The following NEB variants were observed in gnomAD, a reference collection of about 807,000 sequenced individuals.
NEB encodes the protein nebulin.
In NEB, 512 loss-of-function variants were observed where a neutral mutation model predicts 952.2. That is an observed-to-expected ratio of 0.54 (90% CI 0.50 to 0.58). The LOEUF (loss-of-function observed/expected upper bound fraction) is 0.58, where lower values mean the gene tolerates loss of function less well. NEB is among the 20% of genes least tolerant of loss of function. The probability of loss-of-function intolerance (pLI) is 0.00; values close to 1 mark genes in which losing one functional copy is unlikely to be tolerated. For missense variants in NEB, 8,428 were observed against 9,231.1 expected (o/e 0.91, Z 3.56); for synonymous variants, 2,900 against 3,149.8 (o/e 0.92, Z 2.66).
rs142792228 is a variant in NEB, at chr2:151,526,768, C to T, written c.21945+150G>A. 8.8e-4 allele frequency: 553 copies of T among 630,842 alleles called. 3 individuals are homozygous for T. Among genetic ancestry groups the T allele is most frequent in the African/African-American group, 7.7e-3 (424 of 54,798 alleles). 39.1% of individuals were successfully genotyped at this position (630,842 alleles called of 1,614,324 possible). On this transcript the variant is annotated intron_variant, in intron 148 of 181. Coordinates refer to ENST00000397345, the MANE Select transcript of NEB (RefSeq NM_001164508.2). ...CTGCTGCCCTGCTTGACTGCTGGCG[C>T]CCCTCACAGGACAGGCCATAATTCA...
At chr2:151,630,356 C>G (rs2098640476) in intron 67 of NEB, among the ~76,000 whole-genome samples, 1 of 152,108 alleles carries the variant, frequency 6.6e-6, no homozygotes, top group Non-Finnish European at 1.5e-5. Flanking sequence ...TCTCTCTGCC[C>G]TGGAAAGGTG....
At chr2:151,656,978 C>T (rs754848415) in intron 48 of NEB, among the ~76,000 whole-genome samples, 1 of 152,132 alleles carries the variant, frequency 6.6e-6, no homozygotes, top group Non-Finnish European at 1.5e-5. Flanking sequence ...GCTTTATATT[C>T]GTGGAGCTCC....
intron 34 of NEB, among the ~76,000 whole-genome samples, chr2:151,676,726 A>G (rs2099362922): frequency 6.6e-6 from 1 of 152,124 alleles, no homozygotes; most frequent in Non-Finnish European, 1.5e-5. Context: ...CCTGTGTACA[A>G]GGCACCTCCC....
Position 151,506,902 on chromosome 2 carries a change from A to G in NEB, c.23556+7T>C, listed in dbSNP as rs1317562698. The G allele has an allele frequency of 1.3e-6, 2 of 1,566,868 alleles. No homozygotes were observed. Among genetic ancestry groups the G allele is most frequent in the South Asian group, 1.1e-5 (1 of 89,602 alleles). On this transcript the variant is annotated splice_region_variant and intron_variant, in intron 163 of 181. Transcript: ENST00000397345. ...AGCATTAAATGCAAAATAAATAGTA[A>G]ATATACCGAGCTGAAATTCTTCTGA...
intron 69 of NEB, 65 bp downstream of exon 69, chr2:151,627,458 C>A: frequency 6.3e-7 from 1 of 1,575,612 alleles, no homozygotes; most frequent in South Asian, 1.2e-5. Context: ...AATGCTAGAC[C>A]ACTGTCTCAG....
chr2:151,647,933 T>C (rs1046603736), intron 54 of NEB, among the ~76,000 whole-genome samples: 3 of 152,216 alleles, frequency 2.0e-5, no homozygotes, highest in Non-Finnish European at 2.9e-5. Flanking sequence ...ATTTTAATCA[T>C]CACAATGTGA....
chr2:151,718,044 G>A (rs1002146517), intron 9 of NEB, among the ~76,000 whole-genome samples: 4 of 152,020 alleles, frequency 2.6e-5, no homozygotes, highest in Non-Finnish European at 5.9e-5. Flanking sequence ...TAGTAGAGAC[G>A]GGGTTTCACC....
chr2:151,513,550 G>T, intron 160 of NEB, 30 bp downstream of exon 160: 1 of 1,501,636 alleles, frequency 6.7e-7, no homozygotes, highest in South Asian at 1.2e-5. Flanking sequence ...CTACTTTCCT[G>T]AAAGATTGAC....
At chr2:151,533,773 G>A (rs1355448620) in intron 142 of NEB, among the ~76,000 whole-genome samples, 1 of 152,218 alleles carries the variant, frequency 6.6e-6, no homozygotes, top group African/African-American at 2.4e-5. Context: ...GATACAGCTA[G>A]TTTCACTTAC....
chr2:151,486,434 G>GA (rs1319828445), intron 181 of NEB: 1 of 157,912 alleles, frequency 6.3e-6, no homozygotes, highest in Non-Finnish European at 1.4e-5. Context: ...CCTTGGAAAA[G>GA]AATTTGGCAG....
intron 13 of NEB, among the ~76,000 whole-genome samples, chr2:151,706,166 C>A (rs1227695762): frequency 6.6e-6 from 1 of 152,188 alleles, no homozygotes; most frequent in Non-Finnish European, 1.5e-5. Context: ...TTGCCACTTT[C>A]CCACACCTGC....
chr2:151,551,844 G>A lies in NEB; in HGVS notation c.19838C>T (p.Ala6613Val). 1.2e-6 allele frequency: 2 copies of A among 1,605,482 alleles called. No individual in the cohort carries two copies. The highest frequency in any genetic ancestry group is 1.1e-5 in the South Asian group (1 of 89,480). ...GTGCACATAGTCATAGTGGTAGACA[G>A]CCTGGTGCAGAAAGAAGCATTGTTA... Reference protein sequence around the residue: ...AVKSGKQLSDAVYHYDYVHSV... With the variant: ...AVKSGKQLSDVVYHYDYVHSV... The change falls in exon 129 of 182, where the codon GCT becomes GTT. Residue 6613 changes from alanine to valine, a missense_variant and splice_region_variant. Ala to Val is a moderately conservative substitution (Grantham distance 64). This residue lies in a region of NEB where 3,374 missense variants were observed against 3,651.5 expected (regional missense o/e 0.92). Transcript: ENST00000397345.
rs746733372 is a variant in NEB at position 151,546,308 on chromosome 2, C to T, written c.20466+37G>A. 28 of 1,518,498 alleles carry T rather than the reference C, an allele frequency of 1.8e-5. No individual in the cohort carries two copies. In the Admixed American group the frequency reaches 1.9e-4, roughly 10 times the overall value. The allele number at this position is 1,518,498 out of a possible 1,614,324, so 94.1% of individuals were successfully genotyped here. On this transcript the variant is annotated intron_variant, in intron 134 of 181. Transcript: ENST00000397345. ...CTGGTGATGGGGGCATCCAGCTGTG[C>T]GGGGGGTAATTATGCATTGTGATGA...
At chr2:151,711,164 C>T (rs140268748) in intron 10 of NEB, among the ~76,000 whole-genome samples, 147 of 152,276 alleles carry the variant, frequency 9.7e-4, no homozygotes, top group African/African-American at 3.1e-3. Flanking sequence ...CAGAACCCAA[C>T]ACAAAATGCA....
At chr2:151,529,469 G>A (rs1417748380) in intron 145 of NEB, among the ~76,000 whole-genome samples, 155 bp from the exon 146 acceptor site, 1 of 152,078 alleles carries the variant, frequency 6.6e-6, no homozygotes, top group Non-Finnish European at 1.5e-5. Context: ...ATACAGCCAT[G>A]CAGAGATGCA....
chr2:151,693,477 T>C (rs544693073), intron 20 of NEB, among the ~76,000 whole-genome samples: 1 of 150,764 alleles, frequency 6.6e-6, no homozygotes, highest in African/African-American at 2.4e-5. Flanking sequence ...CCATGTGTTC[T>C]CAACATTCAA....
chr2:151,493,242 C>G (rs2057943588), intron 176 of NEB, 111 bp downstream of exon 176: 1 of 867,610 alleles, frequency 1.2e-6, no homozygotes, highest in East Asian at 2.7e-5. Context: ...GCATTTTTCT[C>G]TTTTAAAATT....
rs1298748477 is a variant in NEB, at chr2:151,650,218, C to T, written c.7389G>A (p.Met2463Ile). The change falls in exon 54 of 182, where the codon ATG becomes ATA. Residue 2463 changes from methionine to isoleucine, a missense_variant. Coordinates refer to ENST00000397345, the MANE Select transcript of NEB (RefSeq NM_001164508.2). ...CATTTGTCTTTGCCAGAACTATATC[C>T]ATGGCATCAGGAATGCTGGTGAACT... ...RNKFTSIPDA[M>I]DIVLAKTNAK... 1.2e-6 allele frequency: 2 copies of T among 1,613,784 alleles called. No homozygotes were observed. Among genetic ancestry groups the T allele is most frequent in the East Asian group, 2.2e-5 (1 of 44,892 alleles).
In NEB at chr2:151,513,596, G is replaced by A; in HGVS notation, c.23225C>T (p.Thr7742Ile). ...TPDFMRARNA[T>I]DIASQIKYKQ... ...AGCACTGACCTGACTGGCAATATCA[G>A]TAGCATTCCTGGCCCTCATAAAATC... Residue 7742 changes from threonine to isoleucine, a missense_variant, in exon 160 of 182, where the codon ACT becomes ATT. Thr to Ile is a moderately conservative substitution (Grantham distance 89). Coordinates refer to ENST00000397345, the MANE Select transcript of NEB (RefSeq NM_001164508.2). 6.2e-7 allele frequency: 1 copy of A among 1,607,106 alleles called. No homozygotes were observed. Among genetic ancestry groups the A allele is most frequent in the Non-Finnish European group, 8.5e-7 (1 of 1,176,470 alleles).
Sources: allele counts gnomAD v4.1 joint callset (sites outside exome capture counted in the v4.1 genomes callset), GRCh38; gene constraint gnomAD v4.1.1; regional missense constraint gnomAD v4.1.1; transcripts MANE v1.5; gene names NCBI Gene and HGNC (gene_info 2026-07-23, HGNC 2026-07-21).